Variants in CADM2 observed in about 807,000 individuals in gnomAD.
The protein encoded by CADM2 is immunoglobulin superfamily member 4D.
CADM2 carries 12 observed loss-of-function variants against 49.8 expected under a neutral mutation model. The observed-to-expected ratio is 0.24, with a 90% CI of 0.15 to 0.39. The LOEUF is 0.39. CADM2 is among the 10% of genes least tolerant of loss of function. The pLI, the probability that CADM2 is intolerant of heterozygous loss-of-function variation, is 1.00. For missense variants in CADM2, 378 were observed against 492.3 expected, an observed-to-expected ratio of 0.77 and a Z score of 2.20; for synonymous variants, 214 against 175.4, an observed-to-expected ratio of 1.22 and a Z score of -1.74.
At chr3:85,180,465 C>G (rs570773353) in intron 1 of CADM2, among the ~76,000 whole-genome samples, 1 of 141,910 alleles carries the variant, frequency 7.0e-6, no homozygotes. Context: ...GCCGCGGTAG[C>G]GCCACTGCAC....
At chr3:85,335,369 A>T (rs76591218) in intron 1 of CADM2, among the ~76,000 whole-genome samples, 8,504 of 151,504 alleles carry the variant, frequency 0.056, 316 homozygotes, top group East Asian at 0.14. Flanking sequence ...TTCTTCCTTG[A>T]TACTAACCAG....
At chr3:85,403,486 G>C (rs1274940175) in intron 1 of CADM2, among the ~76,000 whole-genome samples, 2 of 152,068 alleles carry the variant, frequency 1.3e-5, no homozygotes, top group African/African-American at 4.8e-5. Context: ...AAACAAAAAA[G>C]TAACTTGGTC....
chr3:85,579,911 G>T (rs534007715), intron 1 of CADM2, among the ~76,000 whole-genome samples: 10 of 152,210 alleles, frequency 6.6e-5, no homozygotes, highest in Non-Finnish European at 1.2e-4. Context: ...ATGTGTATAT[G>T]TACATCCTGC....
In CADM2 at chr3:85,051,151, G is replaced by C. The variant is rs548507734; in HGVS notation, c.61+91483G>C. On this transcript the variant is annotated intron_variant, in intron 1 of 9. Coordinates refer to ENST00000383699, the MANE Select transcript of CADM2 (RefSeq NM_001167675.2). ...TGCCCTGACATTCAAAAACTTTGTAGAAGTCCTTCTAGGTATAAAGTTAAC... is the reference window on the plus strand; with the variant it reads ...TGCCCTGACATTCAAAAACTTTGTACAAGTCCTTCTAGGTATAAAGTTAAC... Among the ~76,000 whole-genome samples, 4 of 152,248 alleles carry C rather than the reference G, an allele frequency of 2.6e-5. No individual in the cohort carries two copies. The South Asian group carries it at 8.3e-4, about 32-fold the overall frequency.
At position 85,971,094 on chromosome 3, in the gene CADM2, AACAT is replaced by A. The variant is rs1478023725; in HGVS notation, c.970+9453_970+9456del. ...TCACTGACGTTAATATTTTTAAAAT[AACAT>A]ACATATTAAGATCATTTTTTCTAGT... On this transcript the variant is annotated intron_variant, in intron 8 of 9. Transcript: ENST00000383699. Among the ~76,000 whole-genome samples the A allele has an allele frequency of 1.4e-4, 22 of 151,774 alleles. 1 individual carries two copies. The highest frequency in any genetic ancestry group is 7.4e-5 in the Non-Finnish European group (5 of 67,762).
At chr3:85,298,546 A>G (rs1401360430) in intron 1 of CADM2, among the ~76,000 whole-genome samples, 1 of 152,116 alleles carries the variant, frequency 6.6e-6, no homozygotes. Flanking sequence ...AGGGATTCCA[A>G]ACAGGAATGG....
intron 1 of CADM2, among the ~76,000 whole-genome samples, chr3:85,140,984 A>C (rs1249217765): frequency 6.6e-6 from 1 of 152,178 alleles, no homozygotes; most frequent in African/African-American, 2.4e-5. Context: ...ATGATGTCTA[A>C]TCTTCCTTCA....
intron 1 of CADM2, among the ~76,000 whole-genome samples, chr3:85,420,203 T>A (rs62250687): frequency 0.56 from 85,866 of 152,036 alleles, 25,279 homozygotes; most frequent in East Asian, 0.83. Flanking sequence ...ATGTTTACAC[T>A]GATACTCAAT....
At chr3:85,017,548 A>T (rs566622149) in intron 1 of CADM2, among the ~76,000 whole-genome samples, 1 of 152,220 alleles carries the variant, frequency 6.6e-6, no homozygotes, top group Non-Finnish European at 1.5e-5. Flanking sequence ...TCCTGATGTA[A>T]TTTTGCTTAA....
chr3:85,133,739 T>C (rs2039312981), intron 1 of CADM2, among the ~76,000 whole-genome samples: 1 of 152,238 alleles, frequency 6.6e-6, no homozygotes, highest in African/African-American at 2.4e-5. Context: ...TTACAATCCC[T>C]GAGCTAGACA....
intron 7 of CADM2, among the ~76,000 whole-genome samples, chr3:85,955,807 T>C (rs1723986365): frequency 6.6e-6 from 1 of 151,506 alleles, no homozygotes; most frequent in Non-Finnish European, 1.5e-5. Flanking sequence ...AACACCGAGT[T>C]AATAGGTTTT....
At chr3:85,671,116 C>T (rs577965136) in intron 1 of CADM2, among the ~76,000 whole-genome samples, 1 of 152,286 alleles carries the variant, frequency 6.6e-6, no homozygotes, top group South Asian at 2.1e-4. Flanking sequence ...CCGCCAGTTC[C>T]TGGAGGTAAA....
At chr3:85,632,797 A>G (rs1181384455) in intron 1 of CADM2, among the ~76,000 whole-genome samples, 1 of 152,046 alleles carries the variant, frequency 6.6e-6, no homozygotes, top group East Asian at 1.9e-4. Context: ...TTTTCTTTAT[A>G]GAAGGTAGAC....
chr3:85,011,437 T>C (rs909538825), intron 1 of CADM2, among the ~76,000 whole-genome samples: 1 of 152,188 alleles, frequency 6.6e-6, no homozygotes, highest in Admixed American at 6.5e-5. Context: ...CACAAGTTTA[T>C]TGAGTGTGAA....
Position 85,112,795 on chromosome 3 carries a change from C to T in CADM2, c.61+153127C>T, listed in dbSNP as rs186686382. ...TAGACTTTCATAAAGACATATGTCC[C>T]CTTTTGTAGATTTGCAAAGATATTC... On this transcript the variant is annotated intron_variant, in intron 1 of 9. Transcript: ENST00000383699. 4.6e-3 allele frequency among the ~76,000 whole-genome samples: 695 copies of T among 151,520 alleles called. 19 individuals are homozygous for T. The highest frequency in any genetic ancestry group is 1.6e-3 in the Non-Finnish European group (107 of 67,750).
At chr3:85,271,628 GT>G (rs1383086815) in intron 1 of CADM2, among the ~76,000 whole-genome samples, 1 of 150,854 alleles carries the variant, frequency 6.6e-6, no homozygotes, top group Non-Finnish European at 1.5e-5. Context: ...TCTCTAATTT[GT>G]CAGGCCCAGG....
At chr3:85,951,450 A>G (rs546514778) in intron 7 of CADM2, among the ~76,000 whole-genome samples, 1 of 151,056 alleles carries the variant, frequency 6.6e-6, no homozygotes, top group Middle Eastern at 3.4e-3. Context: ...CTGTTTCAGT[A>G]CCAAGTATCT....
chr3:85,887,098 G>C (rs1395346601), intron 5 of CADM2, among the ~76,000 whole-genome samples: 1 of 152,072 alleles, frequency 6.6e-6, no homozygotes, highest in East Asian at 1.9e-4. Context: ...ATTTTTAAGA[G>C]TTTTTAAGAG....
intron 2 of CADM2, among the ~76,000 whole-genome samples, chr3:85,765,470 A>G (rs17023295): frequency 0.04 from 6,115 of 152,020 alleles, 391 homozygotes; most frequent in African/African-American, 0.14. Flanking sequence ...CCCAAGGTCA[A>G]TCCTCAACTC....
Sources: allele counts gnomAD v4.1 joint callset (sites outside exome capture counted in the v4.1 genomes callset), GRCh38; gene constraint gnomAD v4.1.1; transcripts MANE v1.5; gene names NCBI Gene and HGNC (gene_info 2026-07-23, HGNC 2026-07-21).